The following WDR33 variants were observed in gnomAD, a reference collection of about 807,000 sequenced individuals.
WDR33 encodes pre-mRNA 3' end processing protein WDR33.
Under a neutral mutation model 164.9 loss-of-function variants are expected in WDR33, and 47 were observed. The ratio of observed to expected loss-of-function variants is 0.29; its 90% CI spans 0.23 to 0.36. The LOEUF is 0.36. WDR33 is among the 10% of genes least tolerant of loss of function. WDR33 has a pLI of 1.00. For missense variants in WDR33, 1,137 were observed against 1,754.1 expected (o/e 0.65, Z 6.28); for synonymous variants, 505 against 589.0 (o/e 0.86, Z 2.06).
chr2:127,791,472 T>C (rs889129074), intron 1 of WDR33, among the ~76,000 whole-genome samples: 4 of 152,036 alleles, frequency 2.6e-5, no homozygotes, highest in African/African-American at 4.8e-5. Context: ...CATAACCAGG[T>C]CCAAGTGAGG....
chr2:127,736,155 C>T (rs1434639443), intron 7 of WDR33: 2 of 985,190 alleles, frequency 2.0e-6, no homozygotes, highest in South Asian at 4.7e-5. Flanking sequence ...AATTTGGTCA[C>T]GAGTCTTCTT....
At chr2:127,801,225 G>C (rs973684566) in intron 1 of WDR33, among the ~76,000 whole-genome samples, 6 of 152,178 alleles carry the variant, frequency 3.9e-5, no homozygotes, top group African/African-American at 1.4e-4. Context: ...TTGAGGCACA[G>C]TGAGCTATGA....
intron 1 of WDR33, among the ~76,000 whole-genome samples, chr2:127,776,485 G>T (rs998564329): frequency 6.6e-6 from 1 of 152,114 alleles, no homozygotes; most frequent in Non-Finnish European, 1.5e-5. Flanking sequence ...TTGGGAGGCC[G>T]ATACAGGTGG....
At chr2:127,755,480 C>A (rs1687492183) in intron 7 of WDR33, among the ~76,000 whole-genome samples, 1 of 152,168 alleles carries the variant, frequency 6.6e-6, no homozygotes, top group Admixed American at 6.6e-5. Flanking sequence ...GTTCTGGCTA[C>A]AATGTCCTTG....
intron 1 of WDR33, among the ~76,000 whole-genome samples, chr2:127,782,991 AGAGT>A (rs1688427913): frequency 6.6e-6 from 1 of 152,206 alleles, no homozygotes; most frequent in African/African-American, 2.4e-5. Flanking sequence ...CCTGGGCAAC[AGAGT>A]GAGACTCTGT....
rs1006567810 is a variant in WDR33 at position 127,703,643 on chromosome 2, G to A, written c.*2680C>T. 9.6e-5 allele frequency: 16 copies of A among 167,092 alleles called. No homozygotes were observed. The highest frequency in any genetic ancestry group is 3.9e-4 in the African/African-American group (16 of 41,462). 10.4% of individuals were successfully genotyped at this position (167,092 alleles called of 1,614,324 possible). Reference sequence around the variant, plus strand: ...ACCTACCTCAGGAGGCTGCTTGTGAGAGAGCAAATGCAGTATCTTCAGAAT... The same window carrying A: ...ACCTACCTCAGGAGGCTGCTTGTGAAAGAGCAAATGCAGTATCTTCAGAAT... On this transcript the variant is annotated 3_prime_UTR_variant, in exon 22 of 22. Transcript: ENST00000322313.
chr2:127,713,779 G>T lies in WDR33; in HGVS notation c.3112C>A (p.Pro1038Thr). 4 of 1,614,258 alleles carry T rather than the reference G, an allele frequency of 2.5e-6. No homozygotes were observed. The highest frequency in any genetic ancestry group is 3.4e-6 in the Non-Finnish European group (4 of 1,180,050). ...CTCCACTTCTCTTCTTGCGGTAAAGGTCCTCCTCGCCCCTCAAATTCACGT... is the reference window on the plus strand; with the variant it reads ...CTCCACTTCTCTTCTTGCGGTAAAGTTCCTCCTCGCCCCTCAAATTCACGT... Reference protein sequence around the residue: ...RLREFEGRGGPLPQEEKWRRG... With the variant: ...RLREFEGRGGTLPQEEKWRRG... Residue 1038 changes from proline to threonine, a missense_variant, in exon 18 of 22, where the codon CCT becomes ACT. Physicochemically the swap from Pro to Thr is conservative, Grantham distance 38. This residue lies in a region of WDR33 where 867 missense variants were observed against 1,073.0 expected (regional missense o/e 0.81). Transcript: ENST00000322313. The surrounding 1 kb of genome is among the most constrained non-coding windows in gnomAD (Gnocchi z 6.2).
chr2:127,774,829 CA>C (rs1378648022), intron 1 of WDR33, among the ~76,000 whole-genome samples: 2 of 133,828 alleles, frequency 1.5e-5, no homozygotes, highest in Non-Finnish European at 3.2e-5. Flanking sequence ...GACTCCGTCT[CA>C]AAAAAAAAGA....
At chr2:127,781,377 A>G (rs1688362763) in intron 1 of WDR33, among the ~76,000 whole-genome samples, 2 of 152,298 alleles carry the variant, frequency 1.3e-5, no homozygotes, top group South Asian at 2.1e-4. Context: ...TAAACTGTTA[A>G]TATCTTGATT....
chr2:127,747,397 G>A (rs549423918), intron 7 of WDR33, among the ~76,000 whole-genome samples: 32 of 151,288 alleles, frequency 2.1e-4, no homozygotes, highest in African/African-American at 7.3e-4. Flanking sequence ...TCCTCAGTTT[G>A]GTCCAAATCA....
At chr2:127,733,477 A>C (rs1256116112) in intron 7 of WDR33, among the ~76,000 whole-genome samples, 1 of 152,206 alleles carries the variant, frequency 6.6e-6, no homozygotes, top group East Asian at 1.9e-4. Flanking sequence ...ATAAAGAAAA[A>C]GACCATTATA....
rs182651083 is a variant in WDR33 at position 127,754,056 on chromosome 2, T to C, written c.724+9006A>G. ...ATACTGTACATTTAAGACTTGTGCA[T>C]TTACTGTATATATACAATTAAAAAG... On this transcript the variant is annotated intron_variant, in intron 7 of 21. Coordinates refer to ENST00000322313, the MANE Select transcript of WDR33 (RefSeq NM_018383.5). 2.6e-5 allele frequency among the ~76,000 whole-genome samples: 4 copies of C among 152,328 alleles called. No homozygotes were observed. In the East Asian group the frequency reaches 7.7e-4, roughly 29 times the overall value.
chr2:127,740,667 A>G (rs1686988681), intron 7 of WDR33, among the ~76,000 whole-genome samples: 1 of 152,236 alleles, frequency 6.6e-6, no homozygotes, highest in African/African-American at 2.4e-5. Flanking sequence ...TTTAACTATG[A>G]AAGATGTCTT....
At chr2:127,715,189 T>C (rs1686271264) in intron 17 of WDR33, among the ~76,000 whole-genome samples, 1 of 150,914 alleles carries the variant, frequency 6.6e-6, no homozygotes, top group African/African-American at 2.4e-5. Flanking sequence ...CCTTAGGGAT[T>C]CAAGCGATTC....
chr2:127,758,080 A>C (rs981667074), intron 7 of WDR33, among the ~76,000 whole-genome samples: 2 of 152,232 alleles, frequency 1.3e-5, no homozygotes, highest in African/African-American at 4.8e-5. Context: ...TGTTCTATTT[A>C]ATACACCTTA....
chr2:127,711,505 C>T (rs531782391), intron 18 of WDR33, among the ~76,000 whole-genome samples: 16 of 149,902 alleles, frequency 1.1e-4, no homozygotes, highest in East Asian at 7.8e-4. Flanking sequence ...GTGAACATTA[C>T]GCAGATGTAA....
chr2:127,729,819 A>G (rs1219540669), intron 7 of WDR33, among the ~76,000 whole-genome samples: 1 of 152,210 alleles, frequency 6.6e-6, no homozygotes, highest in Non-Finnish European at 1.5e-5. Context: ...TAGCCTTTAC[A>G]TCATTTTACT....
chr2:127,711,773 TATATA>T (rs1334688963), intron 18 of WDR33, among the ~76,000 whole-genome samples: 9 of 95,190 alleles, frequency 9.5e-5, no homozygotes, highest in East Asian at 2.8e-4. Flanking sequence ...TATATATATA[TATATA>T]TATTTTTTTT....
chr2:127,753,051 C>T (rs556063879), intron 7 of WDR33, among the ~76,000 whole-genome samples: 3 of 152,290 alleles, frequency 2.0e-5, no homozygotes, highest in Admixed American at 6.5e-5. Context: ...CTCAGCCTCC[C>T]GAGAAGCTGG....
Sources: allele counts gnomAD v4.1 joint callset (sites outside exome capture counted in the v4.1 genomes callset), GRCh38; gene constraint gnomAD v4.1.1; regional missense constraint gnomAD v4.1.1; non-coding constraint Gnocchi (gnomAD v3.1); transcripts MANE v1.5; gene names NCBI Gene and HGNC (gene_info 2026-07-23, HGNC 2026-07-21).